Variants in NUMB observed in about 807,000 individuals in gnomAD.
NUMB encodes the protein protein numb homolog.
NUMB carries 29 observed loss-of-function variants against 59.7 expected under a neutral mutation model. The ratio of observed to expected loss-of-function variants is 0.49; its 90% CI spans 0.36 to 0.66. The LOEUF is 0.66. Ranked by LOEUF, NUMB falls within the 30% of genes least tolerant of loss-of-function variation. The pLI, the probability that NUMB is intolerant of heterozygous loss-of-function variation, is 0.00. For synonymous variants in NUMB, 288 were observed against 288.2 expected, an observed-to-expected ratio of 1.00 and a Z score of 0.01; for missense variants, 723 against 822.0, an observed-to-expected ratio of 0.88 and a Z score of 1.47.
chr14:73,298,320 G>C (rs748062024), intron 6 of NUMB: 1 of 152,202 alleles, frequency 6.6e-6, no homozygotes, highest in Non-Finnish European at 1.5e-5. Flanking sequence ...CCAGCCCCAC[G>C]TGTAGCCAGG....
chr14:73,347,999 C>G (rs1005446138), intron 4 of NUMB, among the ~76,000 whole-genome samples: 4 of 152,130 alleles, frequency 2.6e-5, no homozygotes, highest in Non-Finnish European at 4.4e-5. Context: ...TGTGCATGTC[C>G]CATAGCAACT....
Position 73,297,187 on chromosome 14 carries a change from CAAAATA to C in NUMB, c.309+18_309+23del. 1 of 1,486,120 alleles carries C rather than the reference CAAAATA, an allele frequency of 6.7e-7. No individual in the cohort carries two copies. The highest frequency in any genetic ancestry group is 9.3e-7 in the Non-Finnish European group (1 of 1,071,428). The allele number at this position is 1,486,120 out of a possible 1,614,324, so 92.1% of individuals were successfully genotyped here. A position where few individuals can be genotyped will look rare whatever the true frequency, so the allele number is the denominator to read the frequency against. On this transcript the variant is annotated intron_variant, in intron 7 of 12. Transcript: ENST00000555238. ...CATCTCCAAAAAAAATAAAATAAAT[CAAAATA>C]AAAATAAAGAATCTTACCTTAGTTT...
intron 4 of NUMB, among the ~76,000 whole-genome samples, chr14:73,334,732 G>T (rs146703192): frequency 6.6e-6 from 1 of 152,012 alleles, no homozygotes; most frequent in African/African-American, 2.4e-5. Context: ...ATCACCTGAA[G>T]TCAGGAGTTC....
intron 11 of NUMB, among the ~76,000 whole-genome samples, chr14:73,280,590 A>C (rs1445000809): frequency 6.6e-6 from 1 of 151,722 alleles, no homozygotes; most frequent in Non-Finnish European, 1.5e-5. Context: ...AGCTCTCAAT[A>C]ACATTCAGTT....
At chr14:73,379,667 C>T (rs1555376264) in intron 2 of NUMB, among the ~76,000 whole-genome samples, 1 of 152,040 alleles carries the variant, frequency 6.6e-6, no homozygotes. Flanking sequence ...AGAGGGCAAG[C>T]CCAAGTACAT....
intron 8 of NUMB, among the ~76,000 whole-genome samples, chr14:73,289,208 C>G (rs1310532641): frequency 6.6e-6 from 1 of 151,932 alleles, no homozygotes; most frequent in African/African-American, 2.4e-5. Context: ...CAAACACAGG[C>G]AAAAGTGAAA....
At chr14:73,340,942 T>C (rs1892600553) in intron 4 of NUMB, among the ~76,000 whole-genome samples, 1 of 152,162 alleles carries the variant, frequency 6.6e-6, no homozygotes, top group South Asian at 2.1e-4. Context: ...TCATGAGAGC[T>C]GATGGTTTTA....
chr14:73,315,291 C>T (rs1208463920), intron 6 of NUMB, among the ~76,000 whole-genome samples: 2 of 152,090 alleles, frequency 1.3e-5, no homozygotes, highest in African/African-American at 4.8e-5. Context: ...TTGTTAATCA[C>T]ATAAATTTTT....
intron 4 of NUMB, among the ~76,000 whole-genome samples, chr14:73,344,131 T>A (rs1182055978): frequency 2.0e-5 from 3 of 152,244 alleles, no homozygotes; most frequent in Non-Finnish European, 4.4e-5. Context: ...TTTATTTGTA[T>A]AATAAAAATT....
At chr14:73,440,616 C>T (rs1036507137) in intron 1 of NUMB, among the ~76,000 whole-genome samples, 3 of 151,616 alleles carry the variant, frequency 2.0e-5, no homozygotes, top group Admixed American at 6.6e-5. Context: ...GAGGCTGAGG[C>T]GGGCGGATCA....
At chr14:73,300,829 C>T (rs966967378) in intron 6 of NUMB, among the ~76,000 whole-genome samples, 2 of 151,984 alleles carry the variant, frequency 1.3e-5, no homozygotes, top group Non-Finnish European at 2.9e-5. Context: ...CAACAGGCCT[C>T]GGTGTGTGAT....
At chr14:73,407,960 G>C (rs1896747662) in intron 2 of NUMB, among the ~76,000 whole-genome samples, 1 of 152,174 alleles carries the variant, frequency 6.6e-6, no homozygotes, top group Non-Finnish European at 1.5e-5. Flanking sequence ...GGGCGTGGTG[G>C]CTCATGCCTG....
intron 2 of NUMB, among the ~76,000 whole-genome samples, chr14:73,388,721 G>A (rs1895677560): frequency 6.6e-6 from 1 of 151,894 alleles, no homozygotes. Context: ...CCAGCACTTT[G>A]AGAGGCTGAG....
intron 1 of NUMB, among the ~76,000 whole-genome samples, chr14:73,449,339 G>A (rs922521961): frequency 4.6e-5 from 7 of 151,834 alleles, no homozygotes; most frequent in Admixed American, 1.3e-4. Context: ...ACCTGTATTT[G>A]CATATAACCT....
chr14:73,432,390 A>G (rs768848761), intron 1 of NUMB, among the ~76,000 whole-genome samples: 1 of 152,050 alleles, frequency 6.6e-6, no homozygotes, highest in Non-Finnish European at 1.5e-5. Flanking sequence ...ATGACTTAAG[A>G]TCCTCATTGA....
chr14:73,286,971 A>T (rs1472460364), intron 9 of NUMB, 139 bp downstream of exon 9: 3 of 815,532 alleles, frequency 3.7e-6, no homozygotes, highest in Non-Finnish European at 6.1e-6. Flanking sequence ...GGTTTTTAAG[A>T]TTTTCAACTT....
intron 1 of NUMB, among the ~76,000 whole-genome samples, chr14:73,422,737 TG>T (rs1187463215): frequency 6.6e-6 from 1 of 152,058 alleles, no homozygotes; most frequent in African/African-American, 2.4e-5. Context: ...GTAAACTCAC[TG>T]AGCAAGACTC....
chr14:73,300,394 C>T (rs970825422), intron 6 of NUMB, among the ~76,000 whole-genome samples: 4 of 152,076 alleles, frequency 2.6e-5, no homozygotes, highest in Non-Finnish European at 5.9e-5. Flanking sequence ...ATAAATTCAT[C>T]TGTGAATTTA....
At chr14:73,350,939 T>C (rs1179029970) in intron 4 of NUMB, among the ~76,000 whole-genome samples, 11 of 152,232 alleles carry the variant, frequency 7.2e-5, no homozygotes, top group Admixed American at 7.2e-4. Flanking sequence ...GTGATAATAT[T>C]TTGCTAGGCT....
Sources: allele counts gnomAD v4.1 joint callset (sites outside exome capture counted in the v4.1 genomes callset), GRCh38; gene constraint gnomAD v4.1.1; transcripts MANE v1.5; gene names NCBI Gene and HGNC (gene_info 2026-07-23, HGNC 2026-07-21).